EPM2A: variants seen among roughly 807,000 people sequenced by gnomAD.
EPM2A encodes laforin.
Under a neutral mutation model 26.5 loss-of-function variants are expected in EPM2A, and 21 were observed. The observed-to-expected ratio is 0.79, with a 90% CI of 0.56 to 1.14. EPM2A has a LOEUF of 1.14. Ranked by LOEUF, EPM2A falls within the 50% of genes most tolerant of loss-of-function variation. The probability of loss-of-function intolerance (pLI) is 0.00; values close to 1 mark genes in which losing one functional copy is unlikely to be tolerated. For synonymous variants in EPM2A, 217 were observed against 177.6 expected, an observed-to-expected ratio of 1.22 and a Z score of -1.76; for missense variants, 458 against 440.8, an observed-to-expected ratio of 1.04 and a Z score of -0.35.
chr6:145,735,604 C>T (rs912063858), upstream of EPM2A: 1 of 1,080,710 alleles, frequency 9.3e-7, no homozygotes, highest in Non-Finnish European at 1.1e-6. Context: ...GTGGGAGCCC[C>T]GGGCACCGGG....
At chr6:145,591,456 A>T (rs573026729) in intron 2 of EPM2A, among the ~76,000 whole-genome samples, 1 of 152,144 alleles carries the variant, frequency 6.6e-6, no homozygotes, top group Non-Finnish European at 1.5e-5. Flanking sequence ...AAAATAAGCC[A>T]AGGGGAGGAA....
intron 2 of EPM2A, among the ~76,000 whole-genome samples, chr6:145,669,863 C>T (rs926295898): frequency 2.6e-5 from 4 of 152,142 alleles, no homozygotes; most frequent in Admixed American, 2.0e-4. Flanking sequence ...GTCACCCAGT[C>T]CATGTATCTC....
chr6:145,397,027 C>A (rs189748101), intron 4 of EPM2A, among the ~76,000 whole-genome samples: 13 of 152,306 alleles, frequency 8.5e-5, no homozygotes, highest in Admixed American at 8.5e-4. Flanking sequence ...CATTAAAAAC[C>A]ATCTGGCAAA....
At chr6:145,498,611 T>C (rs1339226213), downstream of EPM2A, among the ~76,000 whole-genome samples, 1 of 152,212 alleles carries the variant, frequency 6.6e-6, no homozygotes, top group Non-Finnish European at 1.5e-5. Context: ...CTTCCCTCGG[T>C]AGGGGAGGTT....
At chr6:145,723,781 G>C (rs1776061836) in intron 1 of EPM2A, among the ~76,000 whole-genome samples, 1 of 152,198 alleles carries the variant, frequency 6.6e-6, no homozygotes, top group South Asian at 2.1e-4. Context: ...CTCACATTTG[G>C]GGAGAACAAA....
At chr6:145,535,310 G>A (rs1448108633) in intron 2 of EPM2A, among the ~76,000 whole-genome samples, 1 of 152,194 alleles carries the variant, frequency 6.6e-6, no homozygotes, top group Non-Finnish European at 1.5e-5. Flanking sequence ...TACAATTCAA[G>A]GTGACACTTA....
chr6:145,552,394 T>G (rs1252460410), intron 2 of EPM2A, among the ~76,000 whole-genome samples: 1 of 152,044 alleles, frequency 6.6e-6, no homozygotes, highest in East Asian at 1.9e-4. Flanking sequence ...CAGAGTGATT[T>G]CTGACTTAAC....
intron 2 of EPM2A, among the ~76,000 whole-genome samples, chr6:145,590,448 A>C (rs1267748423): frequency 7.6e-6 from 1 of 131,600 alleles, no homozygotes; most frequent in Non-Finnish European, 1.7e-5. Context: ...AAAATAAAAA[A>C]AAAGAAAATT....
At chr6:145,459,846 T>G (rs12190323) in intron 4 of EPM2A, among the ~76,000 whole-genome samples, 10,423 of 152,206 alleles carry the variant, frequency 0.068, 476 homozygotes, top group South Asian at 0.12. Context: ...TATAATCTAC[T>G]TTAGGAAGTG....
intron 4 of EPM2A, among the ~76,000 whole-genome samples, chr6:145,432,821 A>G (rs548294607): frequency 6.6e-6 from 1 of 152,306 alleles, no homozygotes; most frequent in Admixed American, 6.5e-5. Context: ...TAGTATAGCC[A>G]TGTTCATCAA....
At chr6:145,428,060 C>A (rs1195017737) in intron 4 of EPM2A, among the ~76,000 whole-genome samples, 1 of 124,600 alleles carries the variant, frequency 8.0e-6, no homozygotes, top group South Asian at 2.5e-4. Context: ...TTTTTCCTAT[C>A]TTTTTGTGTT....
intron 2 of EPM2A, among the ~76,000 whole-genome samples, chr6:145,582,946 T>C (rs1335918837): frequency 6.6e-6 from 1 of 152,206 alleles, no homozygotes; most frequent in Admixed American, 6.5e-5. Flanking sequence ...GTCTATTCTG[T>C]TGTTAATTCT....
intron 2 of EPM2A, among the ~76,000 whole-genome samples, chr6:145,525,619 T>C (rs1427164139): frequency 6.6e-6 from 1 of 152,148 alleles, no homozygotes; most frequent in Non-Finnish European, 1.5e-5. Flanking sequence ...CGTATAGAAA[T>C]GCTACTGATT....
intron 2 of EPM2A, among the ~76,000 whole-genome samples, chr6:145,554,005 T>C (rs1358356606): frequency 6.6e-6 from 1 of 151,844 alleles, no homozygotes; most frequent in East Asian, 1.9e-4. Context: ...TGTTTTACTA[T>C]ATAGACCTCA....
At chr6:145,439,931 CAG>C (rs918808163) in intron 4 of EPM2A, among the ~76,000 whole-genome samples, 3 of 152,116 alleles carry the variant, frequency 2.0e-5, no homozygotes, top group Non-Finnish European at 4.4e-5. Flanking sequence ...CGTTATCTTT[CAG>C]AGTTTTTATA....
chr6:145,635,491 T>C lies in EPM2A; in HGVS notation c.477-5A>G, dbSNP rs749100678. The stretch of plus-strand genomic sequence containing the variant: ...AGCCAGATATTTGGTAGAATTCTAA[T>C]GAGAACATATGGAGACAACTATCAC... On this transcript the variant is annotated splice_polypyrimidine_tract_variant and splice_region_variant and intron_variant, in intron 2 of 3. Transcript: ENST00000367519. 2.5e-6 allele frequency: 4 copies of C among 1,613,890 alleles called. No individual in the cohort carries two copies. The African/African-American group carries it at 5.3e-5, about 22-fold the overall frequency.
chr6:145,729,954 T>C (rs1041994131), intron 1 of EPM2A, among the ~76,000 whole-genome samples: 4 of 152,148 alleles, frequency 2.6e-5, no homozygotes, highest in Admixed American at 2.6e-4. Context: ...CCCCTTGCTA[T>C]TCTCATGATG....
At chr6:145,397,274 T>C (rs1778417933) in intron 4 of EPM2A, among the ~76,000 whole-genome samples, 1 of 151,774 alleles carries the variant, frequency 6.6e-6, no homozygotes, top group Non-Finnish European at 1.5e-5. Flanking sequence ...CTACTAAAAG[T>C]GAAAAAAATT....
At chr6:145,540,683 T>G (rs1242401212) in intron 2 of EPM2A, among the ~76,000 whole-genome samples, 5 of 152,212 alleles carry the variant, frequency 3.3e-5, no homozygotes, top group African/African-American at 1.2e-4. Flanking sequence ...TTAGGGAAAT[T>G]TGTCTTTTAC....
Sources: gnomAD v4.1 joint callset for allele counts (sites outside exome capture counted in the v4.1 genomes callset) on GRCh38, gnomAD v4.1.1 for gene constraint, MANE v1.5 for transcripts, NCBI Gene and HGNC (gene_info 2026-07-23, HGNC 2026-07-21) for gene names.